B3GALT5: variants seen among roughly 807,000 people sequenced by gnomAD.
B3GALT5 encodes the protein beta-1,3-galactosyltransferase 5, also known as UDP-Gal:betaGlcNAc beta 1,3-galactosyltransferase, polypeptide 5.
For missense variants in B3GALT5, 328 were observed against 396.6 expected (o/e 0.83, Z 1.47); for synonymous variants, 156 against 158.6 (o/e 0.98, Z 0.12).
In B3GALT5 at chr21:39,661,223, T is replaced by C. The variant is rs1236460760; in HGVS notation, c.664T>C (p.Ser222Pro). ...CTGCTCCGGCACCGGCTACGTGTTT[T>C]CTGGCGACGTGGCGAGTCAGGTGTA... ...PFCSGTGYVF[S>P]GDVASQVYNV... Residue 222 changes from serine to proline, a missense_variant, in exon 4 of 4, where the codon TCT becomes CCT. By Grantham distance (74) the Ser-to-Pro change is moderately conservative (BLOSUM62 -1). Transcript: ENST00000684187. The surrounding 1 kb of genome is among the most constrained non-coding windows in gnomAD (Gnocchi z 4.7). 6.2e-7 allele frequency: 1 copy of C among 1,614,088 alleles called. No homozygotes were observed. Among genetic ancestry groups the C allele is most frequent in the Admixed American group, 1.7e-5 (1 of 60,000 alleles).
intron 1 of B3GALT5, among the ~76,000 whole-genome samples, chr21:39,615,720 T>A (rs1319956529): frequency 6.6e-6 from 1 of 152,204 alleles, no homozygotes; most frequent in East Asian, 1.9e-4. Context: ...TTGAAGAGAA[T>A]AATAGTACTT....
chr21:39,644,859 G>C (rs1396062259), intron 1 of B3GALT5, among the ~76,000 whole-genome samples: 1 of 138,610 alleles, frequency 7.2e-6, no homozygotes, highest in Non-Finnish European at 1.6e-5. Context: ...GCCTCCCCAG[G>C]GTCACAGGCT....
chr21:39,644,789 T>C (rs572666777), intron 1 of B3GALT5, among the ~76,000 whole-genome samples: 1 of 152,252 alleles, frequency 6.6e-6, no homozygotes, highest in South Asian at 2.1e-4. Flanking sequence ...GAGCTTGGGT[T>C]GGGAGAGAAA....
intron 2 of B3GALT5, among the ~76,000 whole-genome samples, chr21:39,654,602 C>T (rs1032023409): frequency 1.3e-5 from 2 of 152,198 alleles, no homozygotes; most frequent in African/African-American, 4.8e-5. Context: ...AAAATGCTAT[C>T]AAATGGCGTC....
rs1223265242 is a variant in B3GALT5 at position 39,667,220 on chromosome 21, A to G, written c.*5728A>G. 6.6e-6 allele frequency: 1 copy of G among 152,212 alleles called. No homozygotes were observed. Among genetic ancestry groups the G allele is most frequent in the Non-Finnish European group, 1.5e-5 (1 of 68,036 alleles). 9.4% of individuals were successfully genotyped at this position (152,212 alleles called of 1,614,324 possible). The stretch of plus-strand genomic sequence containing the variant: ...TCAATTTGCTAAGTTAACTTTGGCC[A>G]CGCCGTCCGTGAGAGGTCAGACTGG... On this transcript the variant is annotated 3_prime_UTR_variant, in exon 4 of 4. Coordinates refer to ENST00000684187, the MANE Select transcript of B3GALT5 (RefSeq NM_001356336.2).
rs375341407 is a variant in B3GALT5, at chr21:39,661,159, C to T, written c.600C>T (p.Val200=). The T allele has an allele frequency of 2.9e-5, 47 of 1,613,810 alleles. No individual in the cohort carries two copies. Among genetic ancestry groups the T allele is most frequent in the Non-Finnish European group, 3.6e-5 (42 of 1,179,882 alleles). The part of the protein sequence containing the change: ...PIRQPFSKWF[V]SKSEYPWDRY... ...GGCAGCCATTCAGCAAGTGGTTTGTCAGTAAATCTGAATATCCGTGGGACA... is the reference window on the plus strand; with the variant it reads ...GGCAGCCATTCAGCAAGTGGTTTGTTAGTAAATCTGAATATCCGTGGGACA... The change falls in exon 4 of 4, where the codon GTC becomes GTT. Residue 200 remains valine, a synonymous_variant. Transcript: ENST00000684187. This position sits in a 1 kb window ranked among gnomAD's most constrained non-coding sequence, Gnocchi z 4.7.
At chr21:39,652,373 G>A (rs2079404225) in intron 2 of B3GALT5, among the ~76,000 whole-genome samples, 1 of 152,258 alleles carries the variant, frequency 6.6e-6, no homozygotes, top group Non-Finnish European at 1.5e-5. Context: ...GTTGAGGTTT[G>A]TTAGGACGGA....
intron 1 of B3GALT5, among the ~76,000 whole-genome samples, chr21:39,620,491 T>C (rs1339153264): frequency 6.6e-6 from 1 of 152,222 alleles, no homozygotes; most frequent in East Asian, 1.9e-4. Context: ...TTGTATTAGA[T>C]ATTTTGGTTA....
At position 39,661,576 on chromosome 21, in the gene B3GALT5, A is replaced by G. The variant is rs1395514352; in HGVS notation, c.*84A>G. 28 of 1,294,942 alleles carry G rather than the reference A, an allele frequency of 2.2e-5. No individual in the cohort carries two copies. Among genetic ancestry groups the G allele is most frequent in the Non-Finnish European group, 2.9e-5 (28 of 971,734 alleles). The allele number at this position is 1,294,942 out of a possible 1,614,324, so 80.2% of individuals were successfully genotyped here. A position where few individuals can be genotyped will look rare whatever the true frequency, so the allele number is the denominator to read the frequency against. On this transcript the variant is annotated 3_prime_UTR_variant, in exon 4 of 4. Transcript: ENST00000684187. This position sits in a 1 kb window ranked among gnomAD's most constrained non-coding sequence, Gnocchi z 4.7. ...TAGATTTTGGAAGAGGGGGCGGGAC[A>G]GAGGATGCTGTTCTTCAGTGCTGAA...
chr21:39,618,839 A>G (rs1454377660), intron 1 of B3GALT5, among the ~76,000 whole-genome samples: 4 of 152,052 alleles, frequency 2.6e-5, no homozygotes, highest in Non-Finnish European at 5.9e-5. Flanking sequence ...GAAGCTTTTC[A>G]TCTTATGAAA....
chr21:39,614,376 G>A (rs1332469720), intron 1 of B3GALT5, among the ~76,000 whole-genome samples: 1 of 152,098 alleles, frequency 6.6e-6, no homozygotes, highest in African/African-American at 2.4e-5. Context: ...GACGTGTTCA[G>A]GAAGGAGCTC....
chr21:39,627,143 G>C (rs1230625948), intron 1 of B3GALT5, among the ~76,000 whole-genome samples: 1 of 152,156 alleles, frequency 6.6e-6, no homozygotes, highest in East Asian at 1.9e-4. Context: ...ACAGTAGCTT[G>C]GCTGAGGTTG....
At chr21:39,633,105 A>G (rs2079202854) in intron 1 of B3GALT5, among the ~76,000 whole-genome samples, 1 of 152,136 alleles carries the variant, frequency 6.6e-6, no homozygotes, top group Non-Finnish European at 1.5e-5. Flanking sequence ...AGTGATTTAG[A>G]TCTGGGGGCA....
intron 2 of B3GALT5, among the ~76,000 whole-genome samples, chr21:39,652,421 T>A (rs2079404756): frequency 6.6e-6 from 1 of 152,206 alleles, no homozygotes; most frequent in Non-Finnish European, 1.5e-5. Context: ...TCCCAACCGT[T>A]CTGTGAGGCA....
chr21:39,624,681 G>A (rs946846283), intron 1 of B3GALT5, among the ~76,000 whole-genome samples: 13 of 152,252 alleles, frequency 8.5e-5, no homozygotes, highest in African/African-American at 3.1e-4. Flanking sequence ...GCTGCACAGC[G>A]AACTCTCAAA....
intron 2 of B3GALT5, among the ~76,000 whole-genome samples, chr21:39,654,039 A>T (rs2079419173): frequency 6.6e-6 from 1 of 152,212 alleles, no homozygotes; most frequent in South Asian, 2.1e-4. Flanking sequence ...AACATTCTTG[A>T]TCATGTCTTA....
rs2079590048 is a variant in B3GALT5 at position 39,667,682 on chromosome 21, A to G, written c.*6190A>G. 6.6e-6 allele frequency: 1 copy of G among 152,058 alleles called. No individual in the cohort carries two copies. Among genetic ancestry groups the G allele is most frequent in the Non-Finnish European group, 1.5e-5 (1 of 68,022 alleles). 9.4% of individuals were successfully genotyped at this position (152,058 alleles called of 1,614,324 possible). A position where few individuals can be genotyped will look rare whatever the true frequency, so the allele number is the denominator to read the frequency against. ...CAGGAGCCATGGAAAATAGAGACCC[A>G]CCCGGTAAGGAGGTAACTGGGACAC... is the stretch of plus-strand genomic sequence containing the variant. On this transcript the variant is annotated 3_prime_UTR_variant, in exon 4 of 4. Transcript: ENST00000684187.
chr21:39,624,717 C>T (rs2079154767), intron 1 of B3GALT5, among the ~76,000 whole-genome samples: 1 of 151,958 alleles, frequency 6.6e-6, no homozygotes, highest in African/African-American at 2.4e-5. Flanking sequence ...CCATAAATAA[C>T]TGAATTTGGA....
intron 1 of B3GALT5, among the ~76,000 whole-genome samples, chr21:39,639,391 CTT>C (rs2079263836): frequency 4.9e-5 from 4 of 81,722 alleles, no homozygotes; most frequent in African/African-American, 1.4e-4. Flanking sequence ...TCCTTCCTTC[CTT>C]CTTTCTTTTT....
Sources: allele counts gnomAD v4.1 joint callset (sites outside exome capture counted in the v4.1 genomes callset), GRCh38; gene constraint gnomAD v4.1.1; non-coding constraint Gnocchi (gnomAD v3.1); transcripts MANE v1.5; gene names NCBI Gene and HGNC (gene_info 2026-07-23, HGNC 2026-07-21).